The following SLC4A10 variants were observed in gnomAD, a reference collection of about 807,000 sequenced individuals.
The protein encoded by SLC4A10 is solute carrier family 4 member 10.
SLC4A10 carries 42 observed loss-of-function variants against 137.7 expected under a neutral mutation model. The observed-to-expected ratio is 0.30, with a 90% CI of 0.24 to 0.39. The LOEUF (loss-of-function observed/expected upper bound fraction) is 0.39, where lower values mean the gene tolerates loss of function less well. Among genes scored for constraint, SLC4A10 ranks in the 10% least tolerant of loss-of-function variants. The probability of loss-of-function intolerance (pLI) is 1.00; values close to 1 mark genes in which losing one functional copy is unlikely to be tolerated. For synonymous variants in SLC4A10, 474 were observed against 464.1 expected (o/e 1.02, Z -0.27); for missense variants, 925 against 1,355.0 (o/e 0.68, Z 4.98).
chr2:161,888,570 T>C (rs2126007018), intron 10 of SLC4A10, among the ~76,000 whole-genome samples: 1 of 152,270 alleles, frequency 6.6e-6, no homozygotes, highest in Non-Finnish European at 1.5e-5. Flanking sequence ...GAATGGGAGT[T>C]CACTCATGAT....
chr2:161,880,830 T>C (rs2061718072), intron 9 of SLC4A10, among the ~76,000 whole-genome samples: 1 of 152,118 alleles, frequency 6.6e-6, no homozygotes, highest in South Asian at 2.1e-4. Flanking sequence ...TGGTGAACTA[T>C]GAGCAAATGA....
intron 5 of SLC4A10, among the ~76,000 whole-genome samples, chr2:161,858,004 GC>G (rs1157192288): frequency 6.6e-6 from 1 of 152,028 alleles, no homozygotes; most frequent in Non-Finnish European, 1.5e-5. Context: ...GAGTCACTGT[GC>G]CCAACCATAA....
At chr2:161,897,576 A>G (rs571211388) in intron 11 of SLC4A10, among the ~76,000 whole-genome samples, 1 of 152,250 alleles carries the variant, frequency 6.6e-6, no homozygotes, top group African/African-American at 2.4e-5. Context: ...CCTCATTTTT[A>G]TATTTTCATT....
In SLC4A10 at chr2:161,771,029, A is replaced by T. The variant is rs2051527051; in HGVS notation, c.105A>T (p.Thr35=). The T allele has an allele frequency of 6.2e-7, 1 of 1,603,700 alleles. No individual in the cohort carries two copies. The highest frequency in any genetic ancestry group is 1.7e-4 in the Middle Eastern group (1 of 6,034). The change falls in exon 2 of 27, where the codon ACA becomes ACT. Residue 35 remains threonine, a synonymous_variant. Transcript: ENST00000446997. The stretch of plus-strand genomic sequence containing the variant: ...GTGGAACTCGTTCTATTCTCAAAAC[A>T]CACTTTGAGAAAGAAGATTTAGAAG... ...DRGGTRSILK[T]HFEKEDLEGH...
intron 1 of SLC4A10, among the ~76,000 whole-genome samples, chr2:161,744,504 C>T (rs76102379): frequency 1.2e-3 from 183 of 152,144 alleles, no homozygotes; most frequent in African/African-American, 4.0e-3. Flanking sequence ...GATGGATGAA[C>T]TTTATAATGT....
intron 1 of SLC4A10, among the ~76,000 whole-genome samples, chr2:161,640,706 C>T (rs373536203): frequency 2.0e-5 from 3 of 149,350 alleles, no homozygotes; most frequent in East Asian, 2.0e-4. Context: ...TGCTGGAGTG[C>T]AGTCGCTGGT....
chr2:161,733,012 G>A (rs1013423400), intron 1 of SLC4A10, among the ~76,000 whole-genome samples: 3 of 152,120 alleles, frequency 2.0e-5, no homozygotes, highest in South Asian at 2.1e-4. Context: ...CTTGGGTGTC[G>A]TTGAAAGCAT....
intron 12 of SLC4A10, among the ~76,000 whole-genome samples, chr2:161,901,414 G>T (rs971598681): frequency 1.3e-5 from 2 of 152,096 alleles, no homozygotes; most frequent in African/African-American, 4.8e-5. Context: ...GTATATAGTG[G>T]TATTTTTTAT....
At chr2:161,920,199 C>T (rs543821041) in intron 15 of SLC4A10, among the ~76,000 whole-genome samples, 12 of 152,308 alleles carry the variant, frequency 7.9e-5, no homozygotes, top group African/African-American at 2.4e-4. Context: ...GCAGAATGAG[C>T]CCAGAGGGCC....
intron 3 of SLC4A10, among the ~76,000 whole-genome samples, chr2:161,837,191 C>G (rs911111475): frequency 2.0e-5 from 3 of 152,132 alleles, no homozygotes; most frequent in Non-Finnish European, 4.4e-5. Context: ...TATATATGAT[C>G]TCTACCTGGA....
At chr2:161,836,436 T>G (rs1168901263) in intron 3 of SLC4A10, among the ~76,000 whole-genome samples, 2 of 151,092 alleles carry the variant, frequency 1.3e-5, no homozygotes, top group Admixed American at 1.3e-4. Flanking sequence ...AGGCAGAGGT[T>G]GTAGTGAGCA....
chr2:161,934,479 T>A (rs1231957628), intron 15 of SLC4A10, among the ~76,000 whole-genome samples: 1 of 152,226 alleles, frequency 6.6e-6, no homozygotes, highest in African/African-American at 2.4e-5. Flanking sequence ...TCTATTCATG[T>A]TGACACAAAT....
intron 4 of SLC4A10, among the ~76,000 whole-genome samples, chr2:161,850,028 G>A (rs1303283565): frequency 2.6e-5 from 4 of 151,930 alleles, no homozygotes; most frequent in Admixed American, 2.0e-4. Context: ...GCTTTTTTCT[G>A]GTTGATAGGT....
intron 1 of SLC4A10, among the ~76,000 whole-genome samples, chr2:161,714,475 G>A (rs909512382): frequency 6.6e-6 from 1 of 151,926 alleles, no homozygotes; most frequent in African/African-American, 2.4e-5. Flanking sequence ...AGAAGAATAA[G>A]TTAAGGGAGA....
intron 1 of SLC4A10, among the ~76,000 whole-genome samples, chr2:161,664,240 A>G (rs191337049): frequency 1.1e-3 from 163 of 152,090 alleles, no homozygotes; most frequent in Non-Finnish European, 1.7e-3. Context: ...CATAAGAGTT[A>G]TTATGAAGCA....
intron 1 of SLC4A10, among the ~76,000 whole-genome samples, chr2:161,765,924 A>G (rs1170798132): frequency 4.6e-5 from 7 of 152,116 alleles, no homozygotes; most frequent in Non-Finnish European, 8.8e-5. Flanking sequence ...AACAAGGAGG[A>G]AGGGAAATGC....
At chr2:161,726,813 G>A (rs62189013) in intron 1 of SLC4A10, among the ~76,000 whole-genome samples, 11,295 of 152,254 alleles carry the variant, frequency 0.074, 534 homozygotes, top group East Asian at 0.15. Flanking sequence ...GGAAGCTGAG[G>A]CAGGAGAATC....
intron 4 of SLC4A10, among the ~76,000 whole-genome samples, chr2:161,853,935 C>G (rs2059964351): frequency 6.6e-6 from 1 of 152,076 alleles, no homozygotes; most frequent in Admixed American, 6.6e-5. Context: ...TTACTTTTGG[C>G]TAATCCACTT....
chr2:161,632,421 A>C (rs1399856689), intron 1 of SLC4A10, among the ~76,000 whole-genome samples: 1 of 151,672 alleles, frequency 6.6e-6, no homozygotes, highest in Non-Finnish European at 1.5e-5. Flanking sequence ...AAAGAAAAAA[A>C]CCCACCACAT....
Sources: allele counts gnomAD v4.1 joint callset (sites outside exome capture counted in the v4.1 genomes callset), GRCh38; gene constraint gnomAD v4.1.1; transcripts MANE v1.5; gene names NCBI Gene and HGNC (gene_info 2026-07-23, HGNC 2026-07-21).